CFAP92: variants seen among roughly 807,000 people sequenced by gnomAD.
CFAP92 encodes the protein cilia and flagella associated protein 92 (putative).
A neutral mutation model predicts 106.3 loss-of-function variants in CFAP92; 86 were observed. That is an observed-to-expected ratio of 0.81 (90% CI 0.68 to 0.97). The LOEUF is 0.97. Among genes scored for constraint, CFAP92 ranks in the 50% least tolerant of loss-of-function variants. The pLI, the probability that CFAP92 is intolerant of heterozygous loss-of-function variation, is 0.00. For synonymous variants in CFAP92, 477 were observed against 506.4 expected (o/e 0.94, Z 0.78); for missense variants, 1,204 against 1,283.8 (o/e 0.94, Z 0.95).
At chr3:129,012,660 C>T in the CFAP92 span, among the ~76,000 whole-genome samples, 2 of 152,168 alleles carry the variant, frequency 1.3e-5, no homozygotes, top group African/African-American at 2.4e-5. Flanking sequence ...CCAGGGCACA[C>T]GCTCAACCCT....
chr3:129,016,546 T>C, the CFAP92 span, among the ~76,000 whole-genome samples: 20 of 145,884 alleles, frequency 1.4e-4, 1 homozygote, highest in Admixed American at 4.8e-4. Flanking sequence ...GCCCGTGAGC[T>C]CCACCTGCCT....
chr3:128,925,044 C>T (rs1233183675), intron 12 of CFAP92, among the ~76,000 whole-genome samples: 1 of 152,194 alleles, frequency 6.6e-6, no homozygotes, highest in East Asian at 1.9e-4. Flanking sequence ...ACTTTGTGGC[C>T]CCCACAGCCT....
intron 9 of CFAP92, among the ~76,000 whole-genome samples, chr3:128,958,017 C>T (rs1941580009): frequency 6.6e-6 from 1 of 152,118 alleles, no homozygotes; most frequent in South Asian, 2.1e-4. Flanking sequence ...TTCCATGTGG[C>T]GTTCTCTGTG....
chr3:128,965,955 T>G (rs1217746078), intron 8 of CFAP92, among the ~76,000 whole-genome samples: 3 of 152,194 alleles, frequency 2.0e-5, no homozygotes, highest in Admixed American at 2.0e-4. Context: ...TTTTAAGAAG[T>G]AATACAAGTA....
At chr3:129,003,685 C>A, upstream of CFAP92, 1 of 1,082,028 alleles carries the variant, frequency 9.2e-7, no homozygotes, top group Non-Finnish European at 1.2e-6. Context: ...AAGAAACGTG[C>A]TCAAGCGCTT....
At chr3:128,999,531 CTTTTTTTTTTTTTT>C (rs5852556) in intron 1 of CFAP92, among the ~76,000 whole-genome samples, 3 of 71,594 alleles carry the variant, frequency 4.2e-5, no homozygotes, top group African/African-American at 6.2e-5. Context: ...AAATCAGGTT[CTTTTTTTTTTTTTT>C]TTTTTTTTTT....
At chr3:128,982,341 T>C (rs1423453681) in intron 4 of CFAP92, among the ~76,000 whole-genome samples, 3 of 152,236 alleles carry the variant, frequency 2.0e-5, no homozygotes, top group Admixed American at 6.5e-5. Context: ...AGCTTCAAAG[T>C]TGTCTTTTGC....
intron 7 of CFAP92, among the ~76,000 whole-genome samples, chr3:128,973,188 A>G (rs536560014): frequency 6.6e-6 from 1 of 152,118 alleles, no homozygotes; most frequent in Non-Finnish European, 1.5e-5. Context: ...CAGTAAGACA[A>G]TTTTTTTTAA....
At chr3:128,934,997 T>TC (rs2107710174) in intron 11 of CFAP92, 128 bp downstream of exon 11, 3 of 664,828 alleles carry the variant, frequency 4.5e-6, no homozygotes, top group East Asian at 2.8e-5. Flanking sequence ...ATGGTCCTCC[T>TC]CCCCCCACCA....
upstream of CFAP92, among the ~76,000 whole-genome samples, chr3:128,995,029 G>C (rs1385802782): frequency 2.6e-5 from 4 of 152,226 alleles, no homozygotes; most frequent in Non-Finnish European, 5.9e-5. Flanking sequence ...AGGACTATGG[G>C]CAATGGGGAG....
chr3:128,944,785 C>A (rs1411007137), intron 10 of CFAP92, among the ~76,000 whole-genome samples: 3 of 152,176 alleles, frequency 2.0e-5, no homozygotes, highest in African/African-American at 7.2e-5. Flanking sequence ...ACAGAATATT[C>A]TGCTCCTGTT....
chr3:128,912,780 C>A, intron 15 of CFAP92: 1 of 748,984 alleles, frequency 1.3e-6, no homozygotes, highest in Non-Finnish European at 2.4e-6. Flanking sequence ...AGGTTTTGAC[C>A]TGCAGGCAGT....
At chr3:128,923,595 A>T (rs868852447) in intron 12 of CFAP92, among the ~76,000 whole-genome samples, 1 of 152,222 alleles carries the variant, frequency 6.6e-6, no homozygotes, top group Non-Finnish European at 1.5e-5. Flanking sequence ...AGGGGGAAAT[A>T]TGTAAGAAGC....
chr3:129,025,993 G>A, the CFAP92 span, among the ~76,000 whole-genome samples: 1 of 152,218 alleles, frequency 6.6e-6, no homozygotes, highest in Non-Finnish European at 1.5e-5. Context: ...CCTGAGTGCA[G>A]ACCCCACCTC....
chr3:128,947,056 G>A (rs1940284637), intron 9 of CFAP92, among the ~76,000 whole-genome samples: 1 of 152,140 alleles, frequency 6.6e-6, no homozygotes, highest in Non-Finnish European at 1.5e-5. Flanking sequence ...GGCAAACCTA[G>A]TATCTCTGGA....
chr3:128,989,843 T>C (rs1474664380), intron 2 of CFAP92, among the ~76,000 whole-genome samples: 2 of 151,992 alleles, frequency 1.3e-5, no homozygotes, highest in Non-Finnish European at 2.9e-5. Flanking sequence ...CAGTCTCTGG[T>C]AGCATTAGAC....
Position 128,952,815 on chromosome 3 carries a change from G to A in CFAP92, c.1354-6840C>T, listed in dbSNP as rs139573899. Among the ~76,000 whole-genome samples, 194 of 152,226 alleles carry A rather than the reference G, an allele frequency of 1.3e-3. 1 individual carries two copies. Among genetic ancestry groups the A allele is most frequent in the African/African-American group, 4.6e-3 (191 of 41,532 alleles). On this transcript the variant is annotated intron_variant, in intron 9 of 15. Transcript: ENST00000645291. ...AAAGAAAGTAAATAGGCCGGGTGCG[G>A]TGGCTCACACCTGTAAATCCAGCAC...
Position 128,915,141 on chromosome 3 carries a change from C to T in CFAP92, c.3258G>A (p.Ser1086=), listed in dbSNP as rs1438252075. Residue 1086 remains serine, a synonymous_variant, in exon 15 of 16, where the codon TCG becomes TCA. Coordinates refer to ENST00000645291, the MANE Select transcript of CFAP92 (RefSeq NM_001394090.1). ...KPPPFLELLP[S]PAPKPVTVRK... ...TACCTGTTACAGGCTTTGGTGCGGGCGAAGGGAGCAGCTCGAGGAAAGGTG... is the reference window on the plus strand; with the variant it reads ...TACCTGTTACAGGCTTTGGTGCGGGTGAAGGGAGCAGCTCGAGGAAAGGTG... 64 of 1,535,898 alleles carry T rather than the reference C, an allele frequency of 4.2e-5. No homozygotes were observed. The highest frequency in any genetic ancestry group is 3.3e-4 in the Middle Eastern group (2 of 5,976).
intron 12 of CFAP92, among the ~76,000 whole-genome samples, chr3:128,921,601 A>T (rs928638205): frequency 6.6e-6 from 1 of 152,232 alleles, no homozygotes; most frequent in Non-Finnish European, 1.5e-5. Context: ...CAATTTGGAC[A>T]CAGAAAAAAG....
Sources: gnomAD v4.1 joint callset for allele counts (sites outside exome capture counted in the v4.1 genomes callset) on GRCh38, gnomAD v4.1.1 for gene constraint, MANE v1.5 for transcripts, NCBI Gene and HGNC (gene_info 2026-07-23, HGNC 2026-07-21) for gene names.